Variants in PLXDC2 observed in about 807,000 individuals in gnomAD.
The protein encoded by PLXDC2 is plexin domain-containing protein 2.
In PLXDC2, 40 loss-of-function variants were observed where a neutral mutation model predicts 68.9. The observed-to-expected ratio is 0.58, with a 90% CI of 0.45 to 0.76. PLXDC2 has a LOEUF of 0.76. Among genes scored for constraint, PLXDC2 ranks in the 30% least tolerant of loss-of-function variants. PLXDC2 has a pLI of 0.00. For synonymous variants in PLXDC2, 243 were observed against 234.2 expected (o/e 1.04, Z -0.34); for missense variants, 644 against 661.9 (o/e 0.97, Z 0.30).
At chr10:20,111,806 G>A (rs1042270349) in intron 4 of PLXDC2, among the ~76,000 whole-genome samples, 8 of 152,160 alleles carry the variant, frequency 5.3e-5, no homozygotes, top group South Asian at 2.1e-4. Flanking sequence ...AGATCCTAAC[G>A]TATACTTCAA....
rs1395755794 is a variant in PLXDC2, at chr10:20,282,457, T to C, written c.*2638T>C. On this transcript the variant is annotated 3_prime_UTR_variant, in exon 14 of 14. Transcript: ENST00000377252. The stretch of plus-strand genomic sequence containing the variant: ...AACATAATAGAATAACAAAAAAAGA[T>C]AACAAAGAGATGCAAACTTCTGGAT... 2 of 152,142 alleles carry C rather than the reference T, an allele frequency of 1.3e-5. No homozygotes were observed. The highest frequency in any genetic ancestry group is 3.9e-4 in the East Asian group (2 of 5,190). 9.4% of individuals were successfully genotyped at this position (152,142 alleles called of 1,614,324 possible).
intron 9 of PLXDC2, among the ~76,000 whole-genome samples, chr10:20,179,264 G>A (rs1182376681): frequency 6.6e-6 from 1 of 151,978 alleles, no homozygotes; most frequent in Non-Finnish European, 1.5e-5. Flanking sequence ...TTTTGTGTAG[G>A]GCTTGCTGAC....
chr10:19,882,067 T>C (rs747152743), intron 1 of PLXDC2, among the ~76,000 whole-genome samples: 7 of 152,234 alleles, frequency 4.6e-5, no homozygotes, highest in Non-Finnish European at 8.8e-5. Context: ...AATGTTGACA[T>C]TGAGTGCTTA....
chr10:19,823,149 C>A (rs1294326899), intron 1 of PLXDC2, among the ~76,000 whole-genome samples: 2 of 151,944 alleles, frequency 1.3e-5, no homozygotes, highest in Non-Finnish European at 1.5e-5. Context: ...ATCTCCTGAC[C>A]TCGTGATCAA....
chr10:19,830,284 C>T (rs866548559), intron 1 of PLXDC2, among the ~76,000 whole-genome samples: 1 of 152,204 alleles, frequency 6.6e-6, no homozygotes, highest in Non-Finnish European at 1.5e-5. Context: ...TCAATACAAT[C>T]TCTTAGTACC....
At chr10:20,130,743 G>C (rs187612119) in intron 4 of PLXDC2, among the ~76,000 whole-genome samples, 4 of 152,042 alleles carry the variant, frequency 2.6e-5, no homozygotes, top group Non-Finnish European at 5.9e-5. Context: ...CATATATCGA[G>C]ATGATCATAT....
At chr10:20,220,825 C>T (rs1835199870) in intron 12 of PLXDC2, among the ~76,000 whole-genome samples, 1 of 145,598 alleles carries the variant, frequency 6.9e-6, no homozygotes, top group South Asian at 2.2e-4. Flanking sequence ...GTCTCCACTC[C>T]TTGCTCTTAA....
intron 7 of PLXDC2, among the ~76,000 whole-genome samples, chr10:20,171,442 G>C (rs16919993): frequency 0.22 from 33,917 of 151,914 alleles, 5,236 homozygotes; most frequent in African/African-American, 0.42. Flanking sequence ...CTCACCAAAG[G>C]CTCAACAAAA....
At chr10:20,020,824 A>T (rs916769880) in intron 2 of PLXDC2, among the ~76,000 whole-genome samples, 1 of 152,138 alleles carries the variant, frequency 6.6e-6, no homozygotes, top group African/African-American at 2.4e-5. Flanking sequence ...TATACCCAAG[A>T]TAATCCTATT....
chr10:19,914,339 T>A (rs1833329048), intron 1 of PLXDC2, among the ~76,000 whole-genome samples: 1 of 152,210 alleles, frequency 6.6e-6, no homozygotes. Flanking sequence ...TCATTGGGAT[T>A]CCACTTCATT....
intron 4 of PLXDC2, 152 bp downstream of exon 4, chr10:20,068,391 G>C (rs1445169322): frequency 4.3e-6 from 3 of 695,054 alleles, no homozygotes; most frequent in Non-Finnish European, 6.8e-6. Flanking sequence ...CCAAAGAAAG[G>C]GTATGGTTAT....
At chr10:20,073,469 T>C (rs984939496) in intron 4 of PLXDC2, among the ~76,000 whole-genome samples, 1 of 152,348 alleles carries the variant, frequency 6.6e-6, no homozygotes, top group South Asian at 2.1e-4. Context: ...CGAATAAGCT[T>C]AAGTTTCTAG....
intron 12 of PLXDC2, among the ~76,000 whole-genome samples, chr10:20,225,747 T>C (rs1205115817): frequency 6.6e-6 from 1 of 152,188 alleles, no homozygotes; most frequent in African/African-American, 2.4e-5. Flanking sequence ...CTTACAAAAT[T>C]TCTACACTCA....
At chr10:19,847,022 C>T (rs1418445536) in intron 1 of PLXDC2, among the ~76,000 whole-genome samples, 4 of 152,068 alleles carry the variant, frequency 2.6e-5, no homozygotes, top group African/African-American at 9.7e-5. Context: ...TGTCAGAGAA[C>T]AGCATGGGAA....
chr10:19,991,663 A>G (rs1009874389), intron 1 of PLXDC2, among the ~76,000 whole-genome samples: 1 of 152,064 alleles, frequency 6.6e-6, no homozygotes, highest in East Asian at 1.9e-4. Context: ...ATGGATTCCA[A>G]CCCCACAAAC....
At chr10:19,977,580 G>A (rs1242638175) in intron 1 of PLXDC2, among the ~76,000 whole-genome samples, 1 of 152,172 alleles carries the variant, frequency 6.6e-6, no homozygotes, top group Non-Finnish European at 1.5e-5. Context: ...CTGTGACGAT[G>A]TATCATATGA....
At chr10:19,927,428 G>A (rs893887627) in intron 1 of PLXDC2, among the ~76,000 whole-genome samples, 2 of 152,054 alleles carry the variant, frequency 1.3e-5, no homozygotes, top group Non-Finnish European at 2.9e-5. Flanking sequence ...TTGGCTGGGC[G>A]CGGTGGCTCA....
intron 6 of PLXDC2, among the ~76,000 whole-genome samples, chr10:20,150,443 G>A (rs1834137749): frequency 6.6e-6 from 1 of 152,092 alleles, no homozygotes; most frequent in Non-Finnish European, 1.5e-5. Flanking sequence ...GCAGTGTGGC[G>A]ATTCCTCAAA....
At chr10:19,984,383 C>T (rs371998282) in intron 1 of PLXDC2, among the ~76,000 whole-genome samples, 98 of 152,324 alleles carry the variant, frequency 6.4e-4, no homozygotes, top group African/African-American at 2.3e-3. Context: ...AGATGTGAGA[C>T]ATTGTGTAAA....
Sources: gnomAD v4.1 joint callset for allele counts (sites outside exome capture counted in the v4.1 genomes callset) on GRCh38, gnomAD v4.1.1 for gene constraint, MANE v1.5 for transcripts, NCBI Gene and HGNC (gene_info 2026-07-23, HGNC 2026-07-21) for gene names.